Variants in ARHGAP32 observed in about 807,000 individuals in gnomAD.
ARHGAP32 encodes rho GTPase-activating protein 32.
A neutral mutation model predicts 186.5 loss-of-function variants in ARHGAP32; 51 were observed. The ratio of observed to expected loss-of-function variants is 0.27; its 90% CI spans 0.22 to 0.35. The LOEUF is 0.35. Ranked by LOEUF, ARHGAP32 falls within the 10% of genes least tolerant of loss-of-function variation. The pLI is 1.00. For missense variants in ARHGAP32, 2,186 were observed against 2,623.5 expected (o/e 0.83, Z 3.64); for synonymous variants, 950 against 964.3 (o/e 0.99, Z 0.27).
chr11:128,994,118 A>C (rs1176733606), intron 12 of ARHGAP32, among the ~76,000 whole-genome samples: 1 of 152,082 alleles, frequency 6.6e-6, no homozygotes, highest in African/African-American at 2.4e-5. Context: ...AAAGCTAATG[A>C]GCATGGCAGG....
At chr11:129,262,762 T>C (rs547906297) in intron 1 of ARHGAP32, among the ~76,000 whole-genome samples, 1 of 124,542 alleles carries the variant, frequency 8.0e-6, no homozygotes, top group East Asian at 2.3e-4. Flanking sequence ...ACAAAAATCC[T>C]GGGAGAAGAC....
At chr11:129,256,180 T>C (rs1945251778) in intron 1 of ARHGAP32, among the ~76,000 whole-genome samples, 1 of 152,058 alleles carries the variant, frequency 6.6e-6, no homozygotes, top group African/African-American at 2.4e-5. Flanking sequence ...ACAAGGACAA[T>C]CAAGCTTCAC....
chr11:129,169,449 G>T (rs1350744358), intron 1 of ARHGAP32, among the ~76,000 whole-genome samples: 1 of 151,894 alleles, frequency 6.6e-6, no homozygotes, highest in Non-Finnish European at 1.5e-5. Context: ...GCCTAATACG[G>T]TGAAACCCCG....
At chr11:129,122,413 A>G (rs1310667799) in intron 5 of ARHGAP32, among the ~76,000 whole-genome samples, 1 of 152,102 alleles carries the variant, frequency 6.6e-6, no homozygotes, top group Non-Finnish European at 1.5e-5. Context: ...ACTCAAACAG[A>G]TATATCAAAT....
intron 18 of ARHGAP32, among the ~76,000 whole-genome samples, chr11:128,979,463 T>G (rs1339302174): frequency 3.9e-5 from 6 of 152,218 alleles, no homozygotes; most frequent in Admixed American, 3.3e-4. Flanking sequence ...GAAGTTCAAA[T>G]AACTTCTTTA....
chr11:129,271,236 TGCCA>T, intron 1 of ARHGAP32, among the ~76,000 whole-genome samples: 1 of 152,264 alleles, frequency 6.6e-6, no homozygotes, highest in East Asian at 1.9e-4. Context: ...GCTGGCAGTT[TGCCA>T]GACGACAAAG....
intron 22 of ARHGAP32, 198 bp from the exon 23 acceptor site, chr11:128,971,357 C>A (rs1359517765): frequency 1.9e-5 from 10 of 513,376 alleles, no homozygotes; most frequent in Non-Finnish European, 3.4e-5. Flanking sequence ...CCAGTATTAT[C>A]TTTGGAGAAC....
intron 2 of ARHGAP32, among the ~76,000 whole-genome samples, chr11:129,132,204 C>G (rs945237103): frequency 6.6e-6 from 1 of 152,188 alleles, no homozygotes; most frequent in Non-Finnish European, 1.5e-5. Flanking sequence ...GCAGGCTGGG[C>G]GCAGTAGCTC....
rs969504767 is a variant in ARHGAP32, at chr11:128,975,088, C to T, written c.2195-86G>A. The T allele has an allele frequency of 6.4e-6, 7 of 1,086,240 alleles. No individual in the cohort carries two copies. The Admixed American group carries it at 1.2e-4, about 18-fold the overall frequency. The allele number at this position is 1,086,240 out of a possible 1,614,324, so 67.3% of individuals were successfully genotyped here. A position where few individuals can be genotyped will look rare whatever the true frequency, so the allele number is the denominator to read the frequency against. On this transcript the variant is annotated intron_variant, in intron 20 of 22. Coordinates refer to ENST00000682385, the MANE Select transcript of ARHGAP32 (RefSeq NM_001378024.1). ...AGTCACCTACTCAGCACAGCAGTAACTTACTATCTAGGTGAAGGAAGTGTT... is the reference window on the plus strand; with the variant it reads ...AGTCACCTACTCAGCACAGCAGTAATTTACTATCTAGGTGAAGGAAGTGTT...
At chr11:129,032,402 AATT>A (rs1939153486) in intron 11 of ARHGAP32, among the ~76,000 whole-genome samples, 3 of 152,212 alleles carry the variant, frequency 2.0e-5, no homozygotes, top group Non-Finnish European at 2.9e-5. Flanking sequence ...ATTATAAAAA[AATT>A]AAATAATACA....
chr11:129,270,766 A>T (rs1299774395), intron 1 of ARHGAP32, among the ~76,000 whole-genome samples: 1 of 152,142 alleles, frequency 6.6e-6, no homozygotes, highest in African/African-American at 2.4e-5. Flanking sequence ...ACTGTGGCTC[A>T]GTGAACAAAG....
At chr11:129,128,774 G>C (rs1046034374) in intron 2 of ARHGAP32, among the ~76,000 whole-genome samples, 1 of 152,196 alleles carries the variant, frequency 6.6e-6, no homozygotes, top group Non-Finnish European at 1.5e-5. Flanking sequence ...TGGTGGAGAC[G>C]GGGTTTCGCC....
chr11:129,129,083 C>T (rs560274175), intron 2 of ARHGAP32, among the ~76,000 whole-genome samples: 15 of 152,158 alleles, frequency 9.9e-5, no homozygotes, highest in African/African-American at 3.1e-4. Flanking sequence ...CCCGCCGCCC[C>T]GTCTGGGATG....
intron 2 of ARHGAP32, among the ~76,000 whole-genome samples, chr11:129,138,145 AT>A (rs1167295151): frequency 2.0e-5 from 3 of 152,020 alleles, no homozygotes; most frequent in Non-Finnish European, 2.9e-5. Flanking sequence ...TTTATCAATA[AT>A]AAAAACTGAA....
At chr11:129,206,635 T>C (rs1020979653) in intron 1 of ARHGAP32, among the ~76,000 whole-genome samples, 2 of 152,156 alleles carry the variant, frequency 1.3e-5, no homozygotes, top group African/African-American at 2.4e-5. Context: ...TTTATTATCA[T>C]ATATGGTTGA....
intron 1 of ARHGAP32, among the ~76,000 whole-genome samples, chr11:129,208,145 A>G (rs140761753): frequency 7.8e-4 from 119 of 152,346 alleles, no homozygotes; most frequent in African/African-American, 2.8e-3. Context: ...AGTAGAGGAC[A>G]GAAACATTAC....
Position 129,240,500 on chromosome 11 carries a change from A to G in ARHGAP32, c.-5+38646T>C, listed in dbSNP as rs576292004. Among the ~76,000 whole-genome samples the G allele has an allele frequency of 5.3e-5, 8 of 152,286 alleles. No homozygotes were observed. In the South Asian group the frequency reaches 1.7e-3, roughly 32 times the overall value. On this transcript the variant is annotated intron_variant, in intron 1 of 6. Transcript: ENST00000525234. Reference sequence around the variant, plus strand: ...CAAGCTTTCCCTAGGTCTTCAATAAATTCACACAGTACCTAGTTTACCCTT... The same window carrying G: ...CAAGCTTTCCCTAGGTCTTCAATAAGTTCACACAGTACCTAGTTTACCCTT...
At chr11:129,033,199 C>T (rs1454455944) in intron 11 of ARHGAP32, among the ~76,000 whole-genome samples, 1 of 152,102 alleles carries the variant, frequency 6.6e-6, no homozygotes, top group African/African-American at 2.4e-5. Flanking sequence ...ATAAGTTTTG[C>T]CAGTTTTTAA....
At chr11:128,973,551 G>A in intron 21 of ARHGAP32, 119 bp from the exon 22 acceptor site, 1 of 1,088,846 alleles carries the variant, frequency 9.2e-7, no homozygotes. Flanking sequence ...ATTTCAAAAT[G>A]GCAATCCATG....
Sources: allele counts gnomAD v4.1 joint callset (sites outside exome capture counted in the v4.1 genomes callset), GRCh38; gene constraint gnomAD v4.1.1; transcripts MANE v1.5; gene names NCBI Gene and HGNC (gene_info 2026-07-23, HGNC 2026-07-21).